Variants in TTC21A observed in about 807,000 individuals in gnomAD.
TTC21A encodes tetratricopeptide repeat protein 21A.
TTC21A carries 128 observed loss-of-function variants against 156.4 expected under a neutral mutation model. That is an observed-to-expected ratio of 0.82 (90% CI 0.71 to 0.95). The LOEUF is 0.95. TTC21A is among the 40% of genes least tolerant of loss of function. TTC21A has a pLI of 0.00. For synonymous variants in TTC21A, 587 were observed against 617.1 expected, an observed-to-expected ratio of 0.95 and a Z score of 0.72; for missense variants, 1,435 against 1,602.3, an observed-to-expected ratio of 0.90 and a Z score of 1.78.
intron 19 of TTC21A, 125 bp from the exon 20 acceptor site, chr3:39,132,927 A>G (rs112707705): frequency 0.014 from 15,564 of 1,085,590 alleles, 138 homozygotes; most frequent in Non-Finnish European, 0.018. Context: ...AGTGACCCAA[A>G]TTTGCCCAAG....
chr3:39,138,545 G>A lies in TTC21A; in HGVS notation c.3797-11G>A. ...GGGTGCCACCATCTTTGCTCTCCAT[G>A]TCCCCGGTAGGCTTCAAACTTGCTT... On this transcript the variant is annotated splice_polypyrimidine_tract_variant and intron_variant, in intron 27 of 28. Transcript: ENST00000683103. The A allele has an allele frequency of 1.9e-6, 3 of 1,614,170 alleles. No individual in the cohort carries two copies. Among genetic ancestry groups the A allele is most frequent in the Non-Finnish European group, 1.7e-6 (2 of 1,180,030 alleles).
In TTC21A at chr3:39,134,486, C is replaced by G; in HGVS notation, c.2862+158C>G. On this transcript the variant is annotated intron_variant, in intron 21 of 28. Transcript: ENST00000683103. The surrounding 1 kb of genome is among the most constrained non-coding windows in gnomAD (Gnocchi z 4.6). The stretch of plus-strand genomic sequence containing the variant: ...CAGAGAGGACTCAGTGCTGCACCTA[C>G]TCTGCCCTTTAGCCGGAAGCGGTAG... 1 of 705,638 alleles carries G rather than the reference C, an allele frequency of 1.4e-6. No individual in the cohort carries two copies. Among genetic ancestry groups the G allele is most frequent in the Non-Finnish European group, 2.6e-6 (1 of 383,734 alleles). The allele number at this position is 705,638 out of a possible 1,614,324, so 43.7% of individuals were successfully genotyped here.
intron 9 of TTC21A, among the ~76,000 whole-genome samples, chr3:39,124,068 T>C (rs937037391): frequency 2.0e-5 from 3 of 152,234 alleles, no homozygotes; most frequent in African/African-American, 7.2e-5. Context: ...TAAGTTCAAG[T>C]ATCTTTGAGG....
chr3:39,114,395 T>G (rs544499658), intron 5 of TTC21A, among the ~76,000 whole-genome samples, 190 bp from the exon 6 acceptor site: 12 of 152,160 alleles, frequency 7.9e-5, no homozygotes, highest in Non-Finnish European at 1.6e-4. Context: ...CCAAGACTGT[T>G]GTAAACCTGG....
rs549379498 is a variant in TTC21A at position 39,134,320 on chromosome 3, G to A, written c.2854G>A (p.Ala952Thr). The change falls in exon 21 of 29, where the codon GCT becomes ACT. Residue 952 changes from alanine (A) to threonine (T), a missense_variant. Transcript: ENST00000683103. The surrounding 1 kb of genome is among the most constrained non-coding windows in gnomAD (Gnocchi z 4.6). ...LLQTEQNHETASVLMADLMFR... is the reference protein window; with the variant it reads ...LLQTEQNHETTSVLMADLMFR... ...GCAGACTGAGCAGAACCATGAGACC[G>A]CTTCTGTGGTAGGAAGCCCCCAGCA... is the stretch of plus-strand genomic sequence containing the variant. 12 of 1,612,218 alleles carry A rather than the reference G, an allele frequency of 7.4e-6. No individual in the cohort carries two copies. The Admixed American group carries it at 8.3e-5, about 11-fold the overall frequency.
chr3:39,129,296 C>T lies in TTC21A; in HGVS notation c.2121C>T (p.Tyr707=), dbSNP rs767306772. 9.3e-6 allele frequency: 15 copies of T among 1,613,536 alleles called. No homozygotes were observed. The South Asian group carries it at 1.3e-4, about 14-fold the overall frequency. Residue 707 remains tyrosine (Y), a synonymous_variant, in exon 15 of 29, where the codon TAC becomes TAT. Coordinates refer to ENST00000683103, the MANE Select transcript of TTC21A (RefSeq NM_001366900.1). The part of the protein sequence containing the change: ...YLQTLRDRRL[Y]IRCYRELCEH... The stretch of plus-strand genomic sequence containing the variant: ...AGACCCTCAGAGACAGGCGCCTCTA[C>T]ATCAGATGCTACCGGTAAGCCCCAC...
intron 20 of TTC21A, among the ~76,000 whole-genome samples, chr3:39,133,675 C>T (rs1019858812): frequency 6.6e-6 from 1 of 152,172 alleles, no homozygotes; most frequent in Non-Finnish European, 1.5e-5. Flanking sequence ...GGAGTTCACG[C>T]TAACACAGTA....
Position 39,130,219 on chromosome 3 carries a change from G to A in TTC21A, c.2209-29G>A, listed in dbSNP as rs2038617058. ...CTCCCTTCTCCAGTGGGAGAGAAGA[G>A]GAAGACCCAAAGACACTTTCCCCAC... On this transcript the variant is annotated intron_variant, in intron 16 of 28. Coordinates refer to ENST00000683103, the MANE Select transcript of TTC21A (RefSeq NM_001366900.1). The surrounding 1 kb of genome is among the most constrained non-coding windows in gnomAD (Gnocchi z 4.5). 2 of 1,611,926 alleles carry A rather than the reference G, an allele frequency of 1.2e-6. No individual in the cohort carries two copies. The highest frequency in any genetic ancestry group is 2.2e-5 in the South Asian group (2 of 90,724).
intron 21 of TTC21A, 67 bp from the exon 22 acceptor site, chr3:39,135,026 G>A: frequency 2.0e-5 from 11 of 547,392 alleles, no homozygotes; most frequent in East Asian, 5.0e-5. Flanking sequence ...CATACCCCCC[G>A]CCTCCCCCTA....
At position 39,136,361 on chromosome 3, in the gene TTC21A, T is replaced by C. The variant is rs1159683107; in HGVS notation, c.2949T>C (p.Asn983=). Residue 983 remains asparagine (N), a synonymous_variant, in exon 23 of 29, where the codon AAT becomes AAC. Transcript: ENST00000683103. ...GATTTCTGTCTCTTATTTTAGACAA[T>C]TTTTTGGTATTGCATAAATTAATCG... ...YHQVLEKAPD[N]FLVLHKLIDL... 2 of 1,610,870 alleles carry C rather than the reference T, an allele frequency of 1.2e-6. No homozygotes were observed. Among genetic ancestry groups the C allele is most frequent in the East Asian group, 2.2e-5 (1 of 44,828 alleles).
At position 39,107,842 on chromosome 3, in the gene TTC21A, G is replaced by A; in HGVS notation, c.5G>A (p.Ser2Asn). 6.2e-7 allele frequency: 1 copy of A among 1,613,010 alleles called. No homozygotes were observed. M[S>N]SNDSSLMAGI... is the part of the protein sequence containing the mutation. Reference sequence around the variant, plus strand: ...CGGAGCCGCGAGCGGCCCGAGATGAGCAGCAATGACTCCTCCCTTATGGTG... The same window carrying A: ...CGGAGCCGCGAGCGGCCCGAGATGAACAGCAATGACTCCTCCCTTATGGTG... Residue 2 changes from serine (S) to asparagine (N), a missense_variant, in exon 1 of 29, where the codon AGC becomes AAC. By Grantham distance (46) the Ser-to-Asn change is conservative. Coordinates refer to ENST00000683103, the MANE Select transcript of TTC21A (RefSeq NM_001366900.1).
chr3:39,133,261 G>C, intron 20 of TTC21A, 21 bp downstream of exon 20: 3 of 1,607,848 alleles, frequency 1.9e-6, no homozygotes, highest in Non-Finnish European at 2.6e-6. Flanking sequence ...CTCAAAGCAA[G>C]AGGCTGCTTT....
rs542482204 is a variant in TTC21A, at chr3:39,125,316, G to A, written c.1192-16G>A. ...AGGCTGACATTGGCACTGAGACTCG[G>A]TCCTCTCTTCCACAGGTGCTAATTT... On this transcript the variant is annotated splice_polypyrimidine_tract_variant and intron_variant, in intron 10 of 28. Transcript: ENST00000683103. The A allele has an allele frequency of 1.4e-5, 22 of 1,612,530 alleles. No homozygotes were observed. The highest frequency in any genetic ancestry group is 2.2e-5 in the East Asian group (1 of 44,868).
At chr3:39,136,040 A>G (rs1271489288) in intron 22 of TTC21A, among the ~76,000 whole-genome samples, 4 of 150,560 alleles carry the variant, frequency 2.7e-5, no homozygotes, top group African/African-American at 2.4e-5. Flanking sequence ...CCTGGGTGAC[A>G]GGGCGAGACT....
intron 5 of TTC21A, 49 bp downstream of exon 5, chr3:39,112,629 G>A (rs1158329508): frequency 4.4e-6 from 7 of 1,604,540 alleles, no homozygotes; most frequent in Non-Finnish European, 5.1e-6. Flanking sequence ...CCAGGCCACT[G>A]GAACCAGAGA....
At chr3:39,109,898 TTGGGTCAC>T in intron 2 of TTC21A, 123 bp from the exon 3 acceptor site, 1 of 640,544 alleles carries the variant, frequency 1.6e-6, no homozygotes, top group South Asian at 1.9e-5. Context: ...TTCAGGGAAC[TTGGGTCAC>T]TGGGGACCTT....
At chr3:39,129,048 G>C (rs1162183947) in intron 14 of TTC21A, 24 bp from the exon 15 acceptor site, 1 of 1,612,770 alleles carries the variant, frequency 6.2e-7, no homozygotes. Flanking sequence ...CAAGTGAAGG[G>C]TCTGTTTGAT....
intron 20 of TTC21A, 31 bp downstream of exon 20, chr3:39,133,271 T>A: frequency 6.2e-7 from 1 of 1,604,000 alleles, no homozygotes; most frequent in Non-Finnish European, 8.5e-7. Flanking sequence ...GAGGCTGCTT[T>A]CTCCCTCAGG....
At position 39,114,645 on chromosome 3, in the gene TTC21A, A is replaced by T. The variant is rs1484333026; in HGVS notation, c.619A>T (p.Thr207Ser). Residue 207 changes from threonine to serine, a missense_variant, in exon 6 of 29, where the codon ACT becomes TCT. Physicochemically the swap from Thr to Ser is moderately conservative, Grantham distance 58 (BLOSUM62 1). Transcript: ENST00000683103. ...SEALEVVNQI[T>S]VTSGSFLPAL... ...GGCCCTGGAGGTGGTGAACCAGATC[A>T]CTGTGACTTCAGGGAGCTTCCTGCC... 6.2e-7 allele frequency: 1 copy of T among 1,614,076 alleles called. No homozygotes were observed. Among genetic ancestry groups the T allele is most frequent in the African/African-American group, 1.3e-5 (1 of 74,932 alleles).
Sources: gnomAD v4.1 joint callset for allele counts (sites outside exome capture counted in the v4.1 genomes callset) on GRCh38, gnomAD v4.1.1 for gene constraint, Gnocchi (gnomAD v3.1) non-coding constraint, MANE v1.5 for transcripts, NCBI Gene and HGNC (gene_info 2026-07-23, HGNC 2026-07-21) for gene names.